Variants in SPIRE2 observed in about 807,000 individuals in gnomAD.
SPIRE2 encodes the protein spire type actin nucleation factor 2.
SPIRE2 carries 76 observed loss-of-function variants against 80.7 expected under a neutral mutation model. The observed-to-expected ratio is 0.94, with a 90% CI of 0.78 to 1.14. The LOEUF (loss-of-function observed/expected upper bound fraction) is 1.14. Among genes scored for constraint, SPIRE2 ranks in the 50% most tolerant of loss-of-function variants. The probability of loss-of-function intolerance (pLI) is 0.00; values close to 1 mark genes in which losing one functional copy is unlikely to be tolerated. For synonymous variants in SPIRE2, 535 were observed against 432.6 expected, an observed-to-expected ratio of 1.24 and a Z score of -2.94; for missense variants, 1,196 against 1,015.3, an observed-to-expected ratio of 1.18 and a Z score of -2.42.
At chr16:89,869,844 TGAGCAGTATGA>T (rs1203531190) in intron 14 of SPIRE2, among the ~76,000 whole-genome samples, 162 bp downstream of exon 14, 1 of 151,346 alleles carries the variant, frequency 6.6e-6, no homozygotes, top group African/African-American at 2.4e-5. Context: ...TCTGGGAGGC[TGAGCAGTATGA>T]GATGGAAACT....
Position 89,863,530 on chromosome 16 carries a change from G to T in SPIRE2, c.1630G>T (p.Val544Leu). 6.2e-7 allele frequency: 1 copy of T among 1,614,062 alleles called. No homozygotes were observed. Residue 544 changes from valine (V) to leucine (L), a missense_variant, in exon 11 of 15, where the codon GTG (valine) becomes TTG (leucine). By Grantham distance (32) the Val-to-Leu change is conservative. Transcript: ENST00000378247. The surrounding 1 kb of genome is among the most constrained non-coding windows in gnomAD (Gnocchi z 4.3). ...LALTVEEVMD[V>L]RRVLVKAEME... ...GCTGACTGTGGAAGAGGTGATGGAC[G>T]TGCGCCGTGTGCTGGTGAAGGCCGA... is the stretch of plus-strand genomic sequence containing the variant.
chr16:89,857,603 C>T lies in SPIRE2; in HGVS notation c.1103-735C>T, dbSNP rs543311990. ...TTTTTTTTTTGAGATGGAGTTTCGC[C>T]CTTTTTGCCCAGGCTGGAGTGCAGT... On this transcript the variant is annotated intron_variant, in intron 7 of 14. Transcript: ENST00000378247. 2.0e-4 allele frequency among the ~76,000 whole-genome samples: 30 copies of T among 151,730 alleles called. No individual in the cohort carries two copies. The South Asian group carries it at 6.2e-3, about 32-fold the overall frequency.
Position 89,859,345 on chromosome 16 carries a change from C to A in SPIRE2, c.1453C>A (p.Arg485=). ...TGCGCATGTGTGGAGGCCCGGCTCC[C>A]GAGACCAGGGCAAGTGCTGCTTCTC... ...GSAHVWRPGS[R]DQGTCPASVS... is the part of the protein sequence containing the mutation. The change falls in exon 9 of 15, where the codon CGA becomes AGA. Residue 485 remains arginine (R), a synonymous_variant. Coordinates refer to ENST00000378247, the MANE Select transcript of SPIRE2 (RefSeq NM_032451.2). 1 of 1,565,106 alleles carries A rather than the reference C, an allele frequency of 6.4e-7. No homozygotes were observed. The highest frequency in any genetic ancestry group is 8.6e-7 in the Non-Finnish European group (1 of 1,160,214).
At chr16:89,844,067 C>T (rs2041533835) in intron 1 of SPIRE2, among the ~76,000 whole-genome samples, 1 of 150,912 alleles carries the variant, frequency 6.6e-6, no homozygotes, top group South Asian at 2.1e-4. Flanking sequence ...GCAATCTTGG[C>T]TCACTGCAGC....
intron 5 of SPIRE2, 128 bp from the exon 6 acceptor site, chr16:89,855,472 C>T (rs1309138388): frequency 9.3e-6 from 7 of 749,628 alleles, no homozygotes; most frequent in African/African-American, 1.8e-5. Flanking sequence ...TGGGTCCCTG[C>T]GAGCAAAGAG....
At chr16:89,838,036 A>G (rs1354501080) in intron 1 of SPIRE2, among the ~76,000 whole-genome samples, 1 of 151,850 alleles carries the variant, frequency 6.6e-6, no homozygotes, top group African/African-American at 2.4e-5. Flanking sequence ...TTCTGAGACA[A>G]GTCTTGCTCT....
Position 89,863,122 on chromosome 16 carries a change from A to T in SPIRE2, c.1576-354A>T. ...CCAGAAAAGAGGACATCAGCTGCTC[A>T]GGGAGGGAAGGTTTGAGATGGATTC... On this transcript the variant is annotated intron_variant, in intron 10 of 14. Coordinates refer to ENST00000378247, the MANE Select transcript of SPIRE2 (RefSeq NM_032451.2). This position sits in a 1 kb window ranked among gnomAD's most constrained non-coding sequence, Gnocchi z 4.3. 3.3e-6 allele frequency: 1 copy of T among 299,390 alleles called. No homozygotes were observed. The highest frequency in any genetic ancestry group is 6.4e-6 in the Non-Finnish European group (1 of 155,840). 18.5% of individuals were successfully genotyped at this position (299,390 alleles called of 1,614,324 possible). A position where few individuals can be genotyped will look rare whatever the true frequency, so the allele number is the denominator to read the frequency against.
intron 1 of SPIRE2, among the ~76,000 whole-genome samples, chr16:89,837,593 G>T (rs566177027): frequency 2.3e-4 from 35 of 152,322 alleles, no homozygotes; most frequent in African/African-American, 7.7e-4. Context: ...CCAGGCAGGG[G>T]CTGGGTCGGG....
At chr16:89,857,212 C>G (rs2041699287) in intron 7 of SPIRE2, among the ~76,000 whole-genome samples, 1 of 146,512 alleles carries the variant, frequency 6.8e-6, no homozygotes, top group African/African-American at 2.5e-5. Flanking sequence ...TTATAGTTCA[C>G]TGCAGCCTCA....
intron 1 of SPIRE2, chr16:89,836,324 A>G: frequency 4.4e-6 from 2 of 449,590 alleles, no homozygotes; most frequent in Admixed American, 2.4e-5. Flanking sequence ...CTGGGGTTAG[A>G]ACACAGACAG....
At chr16:89,836,067 T>A in intron 1 of SPIRE2, 2 of 376,678 alleles carry the variant, frequency 5.3e-6, no homozygotes, top group Admixed American at 6.2e-5. Flanking sequence ...CCCAGTTGTT[T>A]AGGAGGTTAA....
chr16:89,855,795 G>A, intron 6 of SPIRE2, 109 bp downstream of exon 6: 2 of 1,110,090 alleles, frequency 1.8e-6, no homozygotes, highest in Non-Finnish European at 2.6e-6. Context: ...CCTGGGAGGT[G>A]TCCCAGTGCG....
intron 9 of SPIRE2, 24 bp downstream of exon 9, chr16:89,859,378 T>C: frequency 2.1e-6 from 3 of 1,438,534 alleles, no homozygotes; most frequent in Non-Finnish European, 2.8e-6. Context: ...CTCACCCCCG[T>C]ACCCTCCTTC....
Position 89,870,194 on chromosome 16 carries a change from C to T in SPIRE2, c.2067C>T (p.Val689=). Residue 689 remains valine (V), a synonymous_variant, in exon 15 of 15, where the codon GTC becomes GTT. Transcript: ENST00000378247. ...GTTCCAGCCGCAAGAGCGTGGACGTCCTCAACACTACGCCACGACGCAGTC... is the reference window on the plus strand; with the variant it reads ...GTTCCAGCCGCAAGAGCGTGGACGTTCTCAACACTACGCCACGACGCAGTC... ...VVRSSRKSVD[V]LNTTPRRSRQ... 1.9e-6 allele frequency: 3 copies of T among 1,610,138 alleles called. No homozygotes were observed. Among genetic ancestry groups the T allele is most frequent in the Non-Finnish European group, 2.5e-6 (3 of 1,178,442 alleles).
At chr16:89,869,053 A>ATAT (rs1555601128) in intron 13 of SPIRE2, among the ~76,000 whole-genome samples, 7 of 24,034 alleles carry the variant, frequency 2.9e-4, no homozygotes, top group Non-Finnish European at 3.8e-4. Flanking sequence ...AAAAAAAAAA[A>ATAT]ATATATATAT....
At chr16:89,851,718 A>G (rs1288077000) in intron 3 of SPIRE2, among the ~76,000 whole-genome samples, 3 of 152,016 alleles carry the variant, frequency 2.0e-5, no homozygotes, top group African/African-American at 4.8e-5. Context: ...CTCTGCACAC[A>G]TGGGCTCTGC....
chr16:89,838,910 A>C (rs1355604414), intron 1 of SPIRE2, among the ~76,000 whole-genome samples: 4 of 151,644 alleles, frequency 2.6e-5, no homozygotes, highest in Admixed American at 2.6e-4. Flanking sequence ...TGTGCAATCT[A>C]GTAGAGACGG....
At chr16:89,855,909 C>T in intron 6 of SPIRE2, 1 of 1,028,720 alleles carries the variant, frequency 9.7e-7, no homozygotes. Context: ...GTGAGCCATG[C>T]CCACCCCACC....
chr16:89,829,435 G>A (rs1291721972), intron 1 of SPIRE2, among the ~76,000 whole-genome samples: 1 of 152,236 alleles, frequency 6.6e-6, no homozygotes, highest in Non-Finnish European at 1.5e-5. Flanking sequence ...GAAAAAAACC[G>A]AAAGTGATTT....
Sources: gnomAD v4.1 joint callset for allele counts (sites outside exome capture counted in the v4.1 genomes callset) on GRCh38, gnomAD v4.1.1 for gene constraint, Gnocchi (gnomAD v3.1) non-coding constraint, MANE v1.5 for transcripts, NCBI Gene and HGNC (gene_info 2026-07-23, HGNC 2026-07-21) for gene names.